Variants in RIGI observed in about 807,000 individuals in gnomAD.
RIGI encodes RNA sensor RIG-I, also known as antiviral innate immune response receptor RIG-I.
At chr9:32,517,583 A>AT in the RIGI span, among the ~76,000 whole-genome samples, 32 of 152,304 alleles carry the variant, frequency 2.1e-4, no homozygotes, top group Non-Finnish European at 3.7e-4. Flanking sequence ...GTCAGCATAC[A>AT]TTTTTGTCTC....
At chr9:32,517,268 G>A in the RIGI span, among the ~76,000 whole-genome samples, 1 of 152,184 alleles carries the variant, frequency 6.6e-6, no homozygotes, top group Non-Finnish European at 1.5e-5. Flanking sequence ...ATTACCGATT[G>A]GAGCAAACAA....
chr9:32,459,448 C>G, the RIGI span: 2 of 1,613,798 alleles, frequency 1.2e-6, no homozygotes, highest in Non-Finnish European at 1.7e-6. Context: ...TTTTCCTTAT[C>G]AGGTACAGGT....
At chr9:32,484,119 T>C in the RIGI span, among the ~76,000 whole-genome samples, 1 of 152,108 alleles carries the variant, frequency 6.6e-6, no homozygotes, top group Non-Finnish European at 1.5e-5. Flanking sequence ...ATTGGAAAGA[T>C]AAGTAGAACC....
chr9:32,473,197 GA>G, the RIGI span: 1 of 429,956 alleles, frequency 2.3e-6, no homozygotes, highest in Non-Finnish European at 3.9e-6. Context: ...ACAAACCTGA[GA>G]AAAAAAGCAT....
the RIGI span, chr9:32,485,656 T>C: frequency 7.8e-6 from 3 of 386,390 alleles, no homozygotes; most frequent in African/African-American, 6.5e-5. Flanking sequence ...TTCTTCTGCC[T>C]CAGCCTCCCA....
chr9:32,493,951 AAAG>A, the RIGI span: 2 of 1,563,346 alleles, frequency 1.3e-6, no homozygotes, highest in African/African-American at 2.8e-5. Flanking sequence ...ACCTGAAAAA[AAAG>A]AAAAAAAATG....
chr9:32,513,374 T>G, the RIGI span, among the ~76,000 whole-genome samples: 1 of 151,728 alleles, frequency 6.6e-6, no homozygotes, highest in African/African-American at 2.4e-5. Flanking sequence ...CAAAACAGAT[T>G]ATCAGATATA....
At chr9:32,460,503 T>C in the RIGI span, among the ~76,000 whole-genome samples, 1 of 152,014 alleles carries the variant, frequency 6.6e-6, no homozygotes, top group African/African-American at 2.4e-5. Flanking sequence ...AAGACAATCA[T>C]AGATGCCAAC....
chr9:32,517,970 G>A, the RIGI span, among the ~76,000 whole-genome samples: 3 of 152,206 alleles, frequency 2.0e-5, no homozygotes, highest in South Asian at 6.2e-4. Flanking sequence ...GTTATGATGT[G>A]GGGAACATGT....
At chr9:32,506,963 C>A in the RIGI span, among the ~76,000 whole-genome samples, 1 of 152,160 alleles carries the variant, frequency 6.6e-6, no homozygotes. Flanking sequence ...GATTGCCGTG[C>A]TTACTTTTGA....
the RIGI span, among the ~76,000 whole-genome samples, chr9:32,512,935 CAGAG>C: frequency 2.0e-5 from 3 of 152,000 alleles, no homozygotes; most frequent in Non-Finnish European, 2.9e-5. Context: ...AACAGACAAA[CAGAG>C]AGCCAAATCA....
chr9:32,489,525 G>T, the RIGI span: 1 of 839,290 alleles, frequency 1.2e-6, no homozygotes, highest in Non-Finnish European at 1.9e-6. Flanking sequence ...ACAGTCTAAT[G>T]TCCACAAATT....
At chr9:32,457,497 A>G in the RIGI span, 1 of 1,149,380 alleles carries the variant, frequency 8.7e-7, no homozygotes, top group Non-Finnish European at 1.2e-6. Context: ...AAAAAAAAAA[A>G]GAAAACCCCA....
At chr9:32,471,618 A>C in the RIGI span, among the ~76,000 whole-genome samples, 1 of 152,292 alleles carries the variant, frequency 6.6e-6, no homozygotes, top group Admixed American at 6.5e-5. Flanking sequence ...CAGTTTTTGG[A>C]GGTTGGGGAA....
the RIGI span, chr9:32,491,402 G>T: frequency 1.4e-5 from 22 of 1,610,014 alleles, no homozygotes; most frequent in Non-Finnish European, 1.8e-5. Context: ...AAGATCTTCT[G>T]TTTCAACATC....
the RIGI span, among the ~76,000 whole-genome samples, chr9:32,508,457 A>G: frequency 6.6e-6 from 1 of 152,022 alleles, no homozygotes; most frequent in Admixed American, 6.6e-5. Flanking sequence ...AGCGAGCTGA[A>G]GCAGGGTAGG....
the RIGI span, among the ~76,000 whole-genome samples, chr9:32,525,760 C>T: frequency 6.6e-6 from 1 of 150,980 alleles, no homozygotes; most frequent in Non-Finnish European, 1.5e-5. Context: ...CAGCCAAGCA[C>T]ACAGTAGACT....
chr9:32,477,788 G>A, the RIGI span, among the ~76,000 whole-genome samples: 2 of 151,994 alleles, frequency 1.3e-5, no homozygotes, highest in Non-Finnish European at 2.9e-5. Flanking sequence ...AGCCAGGCGT[G>A]GTGATGGGCG....
At chr9:32,500,911 T>C in the RIGI span, 1 of 1,614,114 alleles carries the variant, frequency 6.2e-7, no homozygotes, top group South Asian at 1.1e-5. Flanking sequence ...CCTTGTTGTT[T>C]TTCTCAGCCT....
Sources: gnomAD v4.1 joint callset for allele counts (sites outside exome capture counted in the v4.1 genomes callset) on GRCh38, gnomAD v4.1.1 for gene constraint, MANE v1.5 for transcripts, NCBI Gene and HGNC (gene_info 2026-07-23, HGNC 2026-07-21) for gene names.